SELENOI: variants seen among roughly 807,000 people sequenced by gnomAD.
SELENOI encodes the protein ethanolaminephosphotransferase 1.
A neutral mutation model predicts 50.7 loss-of-function variants in SELENOI; 24 were observed. That is an observed-to-expected ratio of 0.47 (90% confidence interval 0.34 to 0.67). The LOEUF (loss-of-function observed/expected upper bound fraction) is 0.67. SELENOI is among the 30% of genes least tolerant of loss of function. The probability of loss-of-function intolerance (pLI) is 0.01; values close to 1 mark genes in which losing one functional copy is unlikely to be tolerated. For missense variants in SELENOI, 352 were observed against 461.4 expected, an observed-to-expected ratio of 0.76 and a Z score of 2.17; for synonymous variants, 155 against 170.2, an observed-to-expected ratio of 0.91 and a Z score of 0.70.
chr2:26,373,400 A>G lies in SELENOI; in HGVS notation c.344A>G (p.Asn115Ser), dbSNP rs1208721073. Residue 115 changes from asparagine to serine, a missense_variant, in exon 5 of 10, where the codon AAT becomes AGT. By Grantham distance (46) the Asn-to-Ser change is conservative. Transcript: ENST00000260585. ...GACGGAAAGCAAGCTCGCAGAACCA[A>G]TTCTAGCACTCCCTTAGGGGAGCTT... The part of the protein sequence containing the change: ...GVDGKQARRT[N>S]SSTPLGELFD... The G allele has an allele frequency of 6.2e-7, 1 of 1,612,284 alleles. No homozygotes were observed. Among genetic ancestry groups the G allele is most frequent in the South Asian group, 1.1e-5 (1 of 90,692 alleles).
chr2:26,387,715 AAAAAG>A (rs1457984071), intron 9 of SELENOI, among the ~76,000 whole-genome samples: 9 of 149,084 alleles, frequency 6.0e-5, no homozygotes, highest in Middle Eastern at 3.6e-3. Context: ...AAAAAAAAAG[AAAAAG>A]AAAGAAAAAA....
At chr2:26,383,574 C>T (rs954289473) in intron 7 of SELENOI, among the ~76,000 whole-genome samples, 2 of 152,010 alleles carry the variant, frequency 1.3e-5, no homozygotes, top group African/African-American at 4.8e-5. Context: ...CGGTTTTGGA[C>T]TCATCAAATA....
At chr2:26,368,833 A>G (rs1027934191) in intron 4 of SELENOI, among the ~76,000 whole-genome samples, 2 of 152,202 alleles carry the variant, frequency 1.3e-5, no homozygotes, top group African/African-American at 4.8e-5. Flanking sequence ...ATAATGAGAA[A>G]AGACTTTCTG....
chr2:26,368,952 A>C (rs1357345893), intron 4 of SELENOI, among the ~76,000 whole-genome samples: 1 of 152,250 alleles, frequency 6.6e-6, no homozygotes, highest in Non-Finnish European at 1.5e-5. Flanking sequence ...AGTCTTCAAC[A>C]ATATATTATG....
chr2:26,369,450 T>C (rs1425313171), intron 4 of SELENOI, among the ~76,000 whole-genome samples: 1 of 152,234 alleles, frequency 6.6e-6, no homozygotes, highest in Non-Finnish European at 1.5e-5. Flanking sequence ...ACTACCACTA[T>C]CTTCGTTACC....
chr2:26,373,101 C>T (rs533684348), intron 4 of SELENOI, among the ~76,000 whole-genome samples: 1 of 152,304 alleles, frequency 6.6e-6, no homozygotes, highest in African/African-American at 2.4e-5. Context: ...GTTGCCCAGG[C>T]TGGTCTCAAA....
chr2:26,369,249 T>C (rs1273874670), intron 4 of SELENOI, among the ~76,000 whole-genome samples: 1 of 152,202 alleles, frequency 6.6e-6, no homozygotes, highest in Non-Finnish European at 1.5e-5. Context: ...TCTACAGTCT[T>C]AGTTAAGATT....
chr2:26,383,197 C>T (rs565109740), intron 6 of SELENOI, 102 bp from the exon 7 acceptor site: 1 of 689,174 alleles, frequency 1.5e-6, no homozygotes, highest in African/African-American at 1.9e-5. Flanking sequence ...AAACTTGAAC[C>T]TGAAATTTTT....
At chr2:26,388,668 G>A (rs1677899536) in intron 9 of SELENOI, among the ~76,000 whole-genome samples, 1 of 152,130 alleles carries the variant, frequency 6.6e-6, no homozygotes, top group Non-Finnish European at 1.5e-5. Flanking sequence ...TGTTTAGCAA[G>A]CTGAATATAG....
At chr2:26,368,033 A>G (rs141540544) in intron 4 of SELENOI, among the ~76,000 whole-genome samples, 157 of 152,318 alleles carry the variant, frequency 1.0e-3, no homozygotes, top group African/African-American at 3.6e-3. Flanking sequence ...AGTATCGTAG[A>G]CACTCGGTAC....
chr2:26,346,649 A>C, intron 1 of SELENOI: 2 of 171,316 alleles, frequency 1.2e-5, no homozygotes. Context: ...TGAAGTTTCC[A>C]CTCGCCTGTC....
In SELENOI at chr2:26,363,431, G is replaced by A. The variant is rs558788939; in HGVS notation, c.58-871G>A. On this transcript the variant is annotated intron_variant, in intron 1 of 9. Coordinates refer to ENST00000260585, the MANE Select transcript of SELENOI (RefSeq NM_033505.4). Reference sequence around the variant, plus strand: ...GAGGTTGAGAAGGTGTGTGGTTAGTGTGTGAATGCATGCAGTGTGCATTTT... The same window carrying A: ...GAGGTTGAGAAGGTGTGTGGTTAGTATGTGAATGCATGCAGTGTGCATTTT... Among the ~76,000 whole-genome samples the A allele has an allele frequency of 1.6e-3, 238 of 152,324 alleles. 1 individual carries two copies. The highest frequency in any genetic ancestry group is 5.5e-3 in the African/African-American group (227 of 41,582).
chr2:26,357,554 A>G (rs899046222), intron 1 of SELENOI, among the ~76,000 whole-genome samples: 9 of 152,184 alleles, frequency 5.9e-5, no homozygotes, highest in Admixed American at 5.2e-4. Flanking sequence ...ACACCCTCCA[A>G]AAGCTCTAGG....
chr2:26,391,921 TAG>T lies in SELENOI; in HGVS notation c.*2821_*2822del, dbSNP rs1677979883. The stretch of plus-strand genomic sequence containing the variant: ...CATTCTTCCACGAATAGGTAATTGA[TAG>T]AGTTTATGGGTCTTAGTCTTAAGGG... On this transcript the variant is annotated 3_prime_UTR_variant, in exon 10 of 10. Coordinates refer to ENST00000260585, the MANE Select transcript of SELENOI (RefSeq NM_033505.4). 1 of 152,224 alleles carries T rather than the reference TAG, an allele frequency of 6.6e-6. No individual in the cohort carries two copies. Among genetic ancestry groups the T allele is most frequent in the East Asian group, 1.9e-4 (1 of 5,204 alleles). The allele number at this position is 152,224 out of a possible 1,614,324, so 9.4% of individuals were successfully genotyped here. A position where few individuals can be genotyped will look rare whatever the true frequency, so the allele number is the denominator to read the frequency against.
At chr2:26,367,922 T>C (rs1018027535) in intron 4 of SELENOI, among the ~76,000 whole-genome samples, 1 of 152,198 alleles carries the variant, frequency 6.6e-6, no homozygotes, top group Non-Finnish European at 1.5e-5. Context: ...CCATGTAACA[T>C]GTTATCTATT....
intron 1 of SELENOI, among the ~76,000 whole-genome samples, chr2:26,358,348 A>G (rs1677106501): frequency 6.6e-6 from 1 of 152,192 alleles, no homozygotes; most frequent in East Asian, 1.9e-4. Context: ...GATCGCTGCC[A>G]CTGTACTCCA....
chr2:26,387,141 A>G (rs948600224), intron 9 of SELENOI, among the ~76,000 whole-genome samples: 7 of 152,210 alleles, frequency 4.6e-5, no homozygotes, highest in African/African-American at 1.2e-4. Flanking sequence ...ATAGAAGAAA[A>G]GGGATTTTGA....
At chr2:26,349,885 A>T (rs896500380) in intron 1 of SELENOI, among the ~76,000 whole-genome samples, 2 of 130,028 alleles carry the variant, frequency 1.5e-5, no homozygotes, top group African/African-American at 5.7e-5. Context: ...AGGTGGGAGG[A>T]TGGCTTGAGG....
chr2:26,353,471 C>T (rs374215865), intron 1 of SELENOI, among the ~76,000 whole-genome samples: 3 of 152,182 alleles, frequency 2.0e-5, no homozygotes, highest in Non-Finnish European at 4.4e-5. Flanking sequence ...AAGCTGACTA[C>T]AATACAATAT....
Sources: gnomAD v4.1 joint callset for allele counts (sites outside exome capture counted in the v4.1 genomes callset) on GRCh38, gnomAD v4.1.1 for gene constraint, MANE v1.5 for transcripts, NCBI Gene and HGNC (gene_info 2026-07-23, HGNC 2026-07-21) for gene names.